KLF13: variants seen among roughly 807,000 people sequenced by gnomAD.
KLF13 encodes Krueppel-like factor 13.
KLF13 carries 8 observed loss-of-function variants against 16.7 expected under a neutral mutation model. The ratio of observed to expected loss-of-function variants is 0.48; its 90% CI spans 0.28 to 0.87. The LOEUF is 0.87. Ranked by LOEUF, KLF13 falls within the 40% of genes least tolerant of loss-of-function variation. The pLI is 0.10. For synonymous variants in KLF13, 245 were observed against 208.4 expected (o/e 1.18, Z -1.51); for missense variants, 447 against 452.2 (o/e 0.99, Z 0.10).
At chr15:31,352,695 T>C (rs1439809861) in intron 1 of KLF13, among the ~76,000 whole-genome samples, 1 of 152,262 alleles carries the variant, frequency 6.6e-6, no homozygotes, top group East Asian at 1.9e-4. Flanking sequence ...TTCCCAGCTC[T>C]GAATTATGAC....
chr15:31,420,555 A>G (rs1338598879), intron 1 of KLF13: 3 of 511,730 alleles, frequency 5.9e-6, no homozygotes, highest in African/African-American at 2.0e-5. Context: ...GGAGAACCCA[A>G]CATTGATAGC....
At chr15:31,402,862 GGA>G (rs952739626) in intron 2 of KLF13, among the ~76,000 whole-genome samples, 1,204 of 102,044 alleles carry the variant, frequency 0.012, 16 homozygotes, top group African/African-American at 0.034. Flanking sequence ...TAAAATGTGG[GGA>G]AAAAAAAAAC....
chr15:31,387,182 A>G (rs533780806), intron 1 of KLF13, among the ~76,000 whole-genome samples: 7 of 152,322 alleles, frequency 4.6e-5, no homozygotes, highest in African/African-American at 1.7e-4. Context: ...ACCGTGGGTA[A>G]AATGCTATCA....
At chr15:31,404,951 C>T (rs1457337570), downstream of KLF13, among the ~76,000 whole-genome samples, 1 of 152,186 alleles carries the variant, frequency 6.6e-6, no homozygotes, top group African/African-American at 2.4e-5. Flanking sequence ...TTGCTCTAAT[C>T]CCAGGCTCCA....
In KLF13 at chr15:31,415,612, C is replaced by A. The variant is rs72722863; in HGVS notation, n.118-19758C>A. On this transcript the variant is annotated intron_variant and non_coding_transcript_variant, in intron 1 of 1. Transcript: ENST00000558225. ...GTGAGTGAAAACGAAGATACGACAT[C>A]CCCAAAGTAAAGGAATGCGAGTAAA... Among the ~76,000 whole-genome samples, 554 of 152,146 alleles carry A rather than the reference C, an allele frequency of 3.6e-3. 1 individual carries two copies. In the Middle Eastern group the frequency reaches 0.041, roughly 11 times the overall value.
At chr15:31,346,511 C>G (rs1167754072) in intron 1 of KLF13, among the ~76,000 whole-genome samples, 1 of 152,224 alleles carries the variant, frequency 6.6e-6, no homozygotes, top group Non-Finnish European at 1.5e-5. Context: ...GAGCTCCTCC[C>G]CGGGTTCTCT....
intron 2 of KLF13, among the ~76,000 whole-genome samples, chr15:31,394,387 T>C (rs1333396571): frequency 7.3e-5 from 11 of 151,338 alleles, no homozygotes; most frequent in Non-Finnish European, 1.5e-4. Context: ...CTCGGGAGGC[T>C]GAGGCGACAG....
rs573255510 is a variant in KLF13 at position 31,400,262 on chromosome 15, C to T, written n.530-3166C>T. Among the ~76,000 whole-genome samples the T allele has an allele frequency of 3.3e-5, 5 of 152,324 alleles. No individual in the cohort carries two copies. In the South Asian group the frequency reaches 1.0e-3, roughly 32 times the overall value. ...TGAAACTGATGACAGGAAAGCCCTG[C>T]CTTCATGTTCATGCTTGTATTTTAA... On this transcript the variant is annotated intron_variant and non_coding_transcript_variant, in intron 2 of 2. Transcript: ENST00000500533.
At chr15:31,416,374 T>C (rs1171151785) in intron 1 of KLF13, among the ~76,000 whole-genome samples, 2 of 152,056 alleles carry the variant, frequency 1.3e-5, no homozygotes, top group Non-Finnish European at 2.9e-5. Context: ...CTGTTATGAA[T>C]ACAGATATAA....
At chr15:31,404,516 C>G (rs2040087150) in exon 3 of KLF13, 1 of 152,180 alleles carries the variant, frequency 6.6e-6, no homozygotes, top group Non-Finnish European at 1.5e-5. Context: ...CCAATCAGAA[C>G]ACTGTAAAAT....
chr15:31,327,283 T>A lies in KLF13; in HGVS notation c.71T>A (p.Val24Glu). Reference protein sequence around the residue: ...CLVSMSSRAVVHGPREGPESR... With the variant: ...CLVSMSSRAVEHGPREGPESR... Reference sequence around the variant, plus strand: ...GTGTCCATGTCGAGCCGCGCGGTCGTGCACGGGCCGCGGGAGGGGCCGGAG... The same window carrying A: ...GTGTCCATGTCGAGCCGCGCGGTCGAGCACGGGCCGCGGGAGGGGCCGGAG... Residue 24 changes from valine to glutamate, a missense_variant, in exon 1 of 2, where the codon GTG becomes GAG. This residue lies in a region of KLF13 where 359 missense variants were observed against 282.8 expected (regional missense o/e 1.27). Coordinates refer to ENST00000307145, the MANE Select transcript of KLF13 (RefSeq NM_015995.4). 7.5e-7 allele frequency: 1 copy of A among 1,333,986 alleles called. No individual in the cohort carries two copies. The highest frequency in any genetic ancestry group is 9.6e-7 in the Non-Finnish European group (1 of 1,043,620). The allele number at this position is 1,333,986 out of a possible 1,614,324, so 82.6% of individuals were successfully genotyped here.
At chr15:31,380,742 G>A (rs2039713300), downstream of KLF13, among the ~76,000 whole-genome samples, 2 of 152,200 alleles carry the variant, frequency 1.3e-5, no homozygotes, top group Non-Finnish European at 2.9e-5. Context: ...GTAAAGACAT[G>A]CAGCTACTCC....
chr15:31,351,540 G>GTC (rs2039217320), intron 1 of KLF13, among the ~76,000 whole-genome samples: 2 of 152,156 alleles, frequency 1.3e-5, no homozygotes, highest in African/African-American at 4.8e-5. Context: ...TGGGACAGCC[G>GTC]TCCACCTCAT....
At chr15:31,342,009 C>T (rs563641402) in intron 1 of KLF13, among the ~76,000 whole-genome samples, 19 of 152,300 alleles carry the variant, frequency 1.2e-4, no homozygotes, top group Non-Finnish European at 2.6e-4. Context: ...GTGAGCCTCA[C>T]GTGTTACCAG....
chr15:31,336,991 A>G (rs1279981074), intron 1 of KLF13, among the ~76,000 whole-genome samples: 1 of 152,174 alleles, frequency 6.6e-6, no homozygotes, highest in East Asian at 1.9e-4. Context: ...AATGTGACAC[A>G]CAGTCTGAGC....
At chr15:31,362,901 T>A (rs772143467) in intron 1 of KLF13, among the ~76,000 whole-genome samples, 1 of 152,194 alleles carries the variant, frequency 6.6e-6, no homozygotes, top group Non-Finnish European at 1.5e-5. Context: ...TTTGCGATAG[T>A]GTTCTGTTAT....
chr15:31,361,139 C>T (rs1250467214), intron 1 of KLF13, among the ~76,000 whole-genome samples: 3 of 152,186 alleles, frequency 2.0e-5, no homozygotes. Flanking sequence ...TGAAATAGGC[C>T]TCGTAGAGCC....
chr15:31,414,373 A>C (rs1413058825), intron 1 of KLF13, among the ~76,000 whole-genome samples: 2 of 152,212 alleles, frequency 1.3e-5, no homozygotes, highest in African/African-American at 4.8e-5. Context: ...TAATTATATC[A>C]ATAATATCAA....
chr15:31,368,711 G>C lies in KLF13; in HGVS notation c.578-3299G>C, dbSNP rs376117650. On this transcript the variant is annotated intron_variant, in intron 1 of 1. Coordinates refer to ENST00000307145, the MANE Select transcript of KLF13 (RefSeq NM_015995.4). ...TCTACTAAAAATATAAAAACTAGCCGAGCGTGGGTAGGCGCCTGTAATCCC... is the reference window on the plus strand; with the variant it reads ...TCTACTAAAAATATAAAAACTAGCCCAGCGTGGGTAGGCGCCTGTAATCCC... Among the ~76,000 whole-genome samples, 3 of 152,224 alleles carry C rather than the reference G, an allele frequency of 2.0e-5. No homozygotes were observed. The South Asian group carries it at 6.2e-4, about 32-fold the overall frequency.
Sources: allele counts gnomAD v4.1 joint callset (sites outside exome capture counted in the v4.1 genomes callset), GRCh38; gene constraint gnomAD v4.1.1; regional missense constraint gnomAD v4.1.1; transcripts MANE v1.5; gene names NCBI Gene and HGNC (gene_info 2026-07-23, HGNC 2026-07-21).